Variants in STMN2 observed in about 807,000 individuals in gnomAD.
The protein encoded by STMN2 is stathmin 2.
STMN2 carries 2 observed loss-of-function variants against 24.1 expected under a neutral mutation model. That is an observed-to-expected ratio of 0.08 (90% CI 0.03 to 0.26). The LOEUF (loss-of-function observed/expected upper bound fraction) is 0.26. Among genes scored for constraint, STMN2 ranks in the 10% least tolerant of loss-of-function variants. The probability of loss-of-function intolerance (pLI) is 1.00; values close to 1 mark genes in which losing one functional copy is unlikely to be tolerated. For missense variants in STMN2, 114 were observed against 213.6 expected, an observed-to-expected ratio of 0.53 and a Z score of 2.91; for synonymous variants, 83 against 77.5, an observed-to-expected ratio of 1.07 and a Z score of -0.37.
At chr8:79,652,933 A>T (rs1314911240) in intron 3 of STMN2, among the ~76,000 whole-genome samples, 1 of 152,112 alleles carries the variant, frequency 6.6e-6, no homozygotes, top group East Asian at 1.9e-4. Flanking sequence ...GAGGCAGGAG[A>T]GTGAACCAGC....
chr8:79,656,251 CA>C (rs2130388458), intron 4 of STMN2, among the ~76,000 whole-genome samples: 1 of 152,248 alleles, frequency 6.6e-6, no homozygotes, highest in East Asian at 1.9e-4. Context: ...GGCTCTGATG[CA>C]GCAGTAAGAC....
intron 1 of STMN2, among the ~76,000 whole-genome samples, chr8:79,628,306 G>A (rs11775338): frequency 0.16 from 24,846 of 151,952 alleles, 2,664 homozygotes; most frequent in East Asian, 0.4. Flanking sequence ...TGGGATTACA[G>A]GCACGCACCA....
intron 3 of STMN2, among the ~76,000 whole-genome samples, chr8:79,651,080 T>A (rs1031547025): frequency 6.6e-5 from 10 of 152,232 alleles, no homozygotes; most frequent in Non-Finnish European, 1.5e-5. Flanking sequence ...GTTTTAAATA[T>A]TTGAAACACA....
At chr8:79,658,214 T>G (rs1296978648) in intron 4 of STMN2, among the ~76,000 whole-genome samples, 4 of 152,150 alleles carry the variant, frequency 2.6e-5, no homozygotes, top group Non-Finnish European at 5.9e-5. Context: ...ATGAAAGGAT[T>G]GCTTGGGCCA....
At chr8:79,636,643 G>C (rs1239142282) in intron 1 of STMN2, among the ~76,000 whole-genome samples, 159 bp from the exon 2 acceptor site, 1 of 152,180 alleles carries the variant, frequency 6.6e-6, no homozygotes, top group Non-Finnish European at 1.5e-5. Context: ...GAATTCTGTT[G>C]ACATCTTGCA....
chr8:79,622,166 C>T (rs1809529342), intron 1 of STMN2, among the ~76,000 whole-genome samples: 1 of 152,130 alleles, frequency 6.6e-6, no homozygotes, highest in Non-Finnish European at 1.5e-5. Context: ...CTACTACTCA[C>T]TATCTGAGAA....
rs142226632 is a variant in STMN2, at chr8:79,632,588, A to G, written c.20-4214A>G. Among the ~76,000 whole-genome samples the G allele has an allele frequency of 1.1e-3, 162 of 152,282 alleles. 1 individual carries two copies. The highest frequency in any genetic ancestry group is 3.3e-3 in the African/African-American group (136 of 41,556). The stretch of plus-strand genomic sequence containing the variant: ...GACGTTTTCTTTATGGTCATTAAGA[A>G]CACCAGTGTGTCGGGACACAAACAA... On this transcript the variant is annotated intron_variant, in intron 1 of 4. Coordinates refer to ENST00000220876, the MANE Select transcript of STMN2 (RefSeq NM_007029.4).
At chr8:79,653,392 A>C (rs1188392671) in intron 3 of STMN2, among the ~76,000 whole-genome samples, 1 of 152,150 alleles carries the variant, frequency 6.6e-6, no homozygotes, top group Non-Finnish European at 1.5e-5. Flanking sequence ...AAATAAACAC[A>C]TAAATAGTAA....
intron 1 of STMN2, among the ~76,000 whole-genome samples, chr8:79,612,307 A>T (rs751933018): frequency 4.6e-5 from 7 of 152,186 alleles, no homozygotes; most frequent in Non-Finnish European, 8.8e-5. Context: ...TTCTTTTCGG[A>T]AGCAAATTAC....
chr8:79,628,195 G>C (rs1809706566), intron 1 of STMN2, among the ~76,000 whole-genome samples: 3 of 151,444 alleles, frequency 2.0e-5, no homozygotes, highest in Admixed American at 2.0e-4. Context: ...ACAGAGCCTT[G>C]CTATGTCGCC....
chr8:79,621,344 T>C (rs1214376420), intron 1 of STMN2, among the ~76,000 whole-genome samples: 1 of 152,304 alleles, frequency 6.6e-6, no homozygotes, highest in East Asian at 1.9e-4. Flanking sequence ...TCATTAGATA[T>C]AAATACCCAT....
chr8:79,640,439 G>C (rs1478742901), intron 2 of STMN2, among the ~76,000 whole-genome samples: 1 of 123,376 alleles, frequency 8.1e-6, no homozygotes, highest in Admixed American at 8.0e-5. Context: ...AAAATGACAG[G>C]ATTTCCCCCA....
In STMN2 at chr8:79,616,222, T is replaced by C. The variant is rs1316087942; in HGVS notation, c.19+5008T>C. On this transcript the variant is annotated intron_variant, in intron 1 of 4. Coordinates refer to ENST00000220876, the MANE Select transcript of STMN2 (RefSeq NM_007029.4). ...TTTAAAGATACCTTTTTAAATCTAA[T>C]CCAATGTGATTTCAATCTAGTTTTA... 2.0e-5 allele frequency among the ~76,000 whole-genome samples: 3 copies of C among 152,304 alleles called. No individual in the cohort carries two copies. In the Middle Eastern group the frequency reaches 0.01, roughly 518 times the overall value.
At chr8:79,646,168 T>C (rs1810213489) in intron 3 of STMN2, among the ~76,000 whole-genome samples, 1 of 152,082 alleles carries the variant, frequency 6.6e-6, no homozygotes, top group Non-Finnish European at 1.5e-5. Context: ...AGTCACTAAG[T>C]TTCCAAATGA....
At chr8:79,622,817 A>G (rs1809547962) in intron 1 of STMN2, among the ~76,000 whole-genome samples, 1 of 152,190 alleles carries the variant, frequency 6.6e-6, no homozygotes, top group Admixed American at 6.5e-5. Flanking sequence ...GGTCTTTTGA[A>G]TGCAGGAAAA....
intron 1 of STMN2, among the ~76,000 whole-genome samples, chr8:79,625,536 C>G (rs867068987): frequency 3.9e-5 from 6 of 152,110 alleles, no homozygotes; most frequent in Admixed American, 1.3e-4. Flanking sequence ...AGTAAGAGCT[C>G]TAATTGTGTT....
chr8:79,654,464 T>C (rs895340437), intron 3 of STMN2, among the ~76,000 whole-genome samples: 1 of 151,852 alleles, frequency 6.6e-6, no homozygotes, highest in Non-Finnish European at 1.5e-5. Flanking sequence ...GAAAAAACAA[T>C]GGATCAGGAA....
rs185573093 is a variant in STMN2, at chr8:79,652,067, T to C, written c.289-2804T>C. On this transcript the variant is annotated intron_variant, in intron 3 of 4. Coordinates refer to ENST00000220876, the MANE Select transcript of STMN2 (RefSeq NM_007029.4). ...GCAGCTGTGGCTGATGGGTACCAGT[T>C]GCTAAGAAGAGCATTACCTAACAGT... Among the ~76,000 whole-genome samples, 77 of 152,350 alleles carry C rather than the reference T, an allele frequency of 5.1e-4. 2 individuals are homozygous for C. The highest frequency in any genetic ancestry group is 4.6e-3 in the Admixed American group (71 of 15,306).
At chr8:79,616,388 T>C (rs557004243) in intron 1 of STMN2, among the ~76,000 whole-genome samples, 2 of 152,362 alleles carry the variant, frequency 1.3e-5, no homozygotes, top group Admixed American at 6.5e-5. Flanking sequence ...TTTTTAAATA[T>C]GCATTGATAG....
Sources: gnomAD v4.1 joint callset for allele counts (sites outside exome capture counted in the v4.1 genomes callset) on GRCh38, gnomAD v4.1.1 for gene constraint, MANE v1.5 for transcripts, NCBI Gene and HGNC (gene_info 2026-07-23, HGNC 2026-07-21) for gene names.